The following ARHGAP18 variants were observed in gnomAD, a reference collection of about 807,000 sequenced individuals.
ARHGAP18 encodes rho GTPase-activating protein 18.
In ARHGAP18, 67 loss-of-function variants were observed where a neutral mutation model predicts 86.2. That is an observed-to-expected ratio of 0.78 (90% CI 0.64 to 0.95). ARHGAP18 has a LOEUF of 0.95. Ranked by LOEUF, ARHGAP18 falls within the 40% of genes least tolerant of loss-of-function variation. The pLI, the probability that ARHGAP18 is intolerant of heterozygous loss-of-function variation, is 0.00. For missense variants in ARHGAP18, 691 were observed against 780.4 expected, an observed-to-expected ratio of 0.89 and a Z score of 1.37; for synonymous variants, 283 against 280.4, an observed-to-expected ratio of 1.01 and a Z score of -0.09.
At chr6:129,686,178 T>C (rs1250685630) in intron 1 of ARHGAP18, among the ~76,000 whole-genome samples, 2 of 152,196 alleles carry the variant, frequency 1.3e-5, no homozygotes, top group Non-Finnish European at 2.9e-5. Context: ...ATAAAGGTTC[T>C]TTTCCCAGCA....
intron 1 of ARHGAP18, among the ~76,000 whole-genome samples, chr6:129,647,700 G>C (rs1200595073): frequency 6.6e-6 from 1 of 151,516 alleles, no homozygotes; most frequent in Non-Finnish European, 1.5e-5. Context: ...GTGGGGTGGG[G>C]GTTCTTCCTC....
chr6:129,668,390 A>ACACACACG (rs1311389743), intron 1 of ARHGAP18, among the ~76,000 whole-genome samples: 2 of 150,856 alleles, frequency 1.3e-5, no homozygotes, highest in Admixed American at 6.7e-5. Context: ...ACACACACAC[A>ACACACACG]CACACACACA....
At chr6:129,619,772 A>C (rs763096789) in intron 5 of ARHGAP18, among the ~76,000 whole-genome samples, 2 of 151,730 alleles carry the variant, frequency 1.3e-5, no homozygotes, top group Admixed American at 1.3e-4. Context: ...GTATCTTTTA[A>C]TTGTCACAAA....
chr6:129,657,429 TA>T lies in ARHGAP18; in HGVS notation c.114-15412del, dbSNP rs373569721. On this transcript the variant is annotated intron_variant, in intron 1 of 14. Coordinates refer to ENST00000368149, the MANE Select transcript of ARHGAP18 (RefSeq NM_033515.3). ...CACTCATTGTCACCATTTTTGAAAT[TA>T]AAAAAAAAAAAAAAACAACTTAATA... Among the ~76,000 whole-genome samples the T allele has an allele frequency of 4.3e-3, 588 of 136,442 alleles. 1 individual carries two copies. Among genetic ancestry groups the T allele is most frequent in the Middle Eastern group, 0.015 (4 of 266 alleles). 89.5% of individuals were successfully genotyped at this position (136,442 alleles called of 152,430 possible). A position where few individuals can be genotyped will look rare whatever the true frequency, so the allele number is the denominator to read the frequency against.
chr6:129,616,279 A>G lies in ARHGAP18; in HGVS notation c.977T>C (p.Leu326Ser), dbSNP rs1214603126. 1.2e-6 allele frequency: 2 copies of G among 1,610,334 alleles called. No homozygotes were observed. The highest frequency in any genetic ancestry group is 3.3e-5 in the Admixed American group (2 of 59,936). Reference sequence around the variant, plus strand: ...CTGATCTTGTTCTAATAGCGCTGTCAATGGAACGCAAAAAAGACCAGAATC... The same window carrying G: ...CTGATCTTGTTCTAATAGCGCTGTCGATGGAACGCAAAAAAGACCAGAATC... ...TKDSGLFCVP[L>S]TALLEQDQRK... The change falls in exon 7 of 15, where the codon TTG becomes TCG. Residue 326 changes from leucine (L) to serine (S), a missense_variant. Leu to Ser is a moderately radical substitution (Grantham distance 145). Transcript: ENST00000368149.
At chr6:129,627,458 C>A (rs1789503466) in intron 5 of ARHGAP18, among the ~76,000 whole-genome samples, 1 of 146,072 alleles carries the variant, frequency 6.8e-6, no homozygotes, top group Non-Finnish European at 1.5e-5. Context: ...AGTCTTGACT[C>A]CCCCCCAAAA....
chr6:129,705,638 C>G (rs1234240638), intron 1 of ARHGAP18, among the ~76,000 whole-genome samples: 2 of 152,110 alleles, frequency 1.3e-5, no homozygotes, highest in Admixed American at 1.3e-4. Flanking sequence ...AAATAATATT[C>G]AGAAAAACGC....
intron 1 of ARHGAP18, among the ~76,000 whole-genome samples, chr6:129,693,957 A>G (rs1774570336): frequency 6.6e-6 from 1 of 152,228 alleles, no homozygotes; most frequent in South Asian, 2.1e-4. Context: ...AAAATTATTT[A>G]CTAAATGGCA....
intron 3 of ARHGAP18, among the ~76,000 whole-genome samples, chr6:129,635,173 T>G (rs1302044537): frequency 6.6e-6 from 1 of 152,182 alleles, no homozygotes; most frequent in Non-Finnish European, 1.5e-5. Context: ...TCTATTCAAA[T>G]TATTTTAATA....
intron 1 of ARHGAP18, among the ~76,000 whole-genome samples, chr6:129,656,818 C>T (rs2114514904): frequency 6.6e-6 from 1 of 152,300 alleles, no homozygotes. Flanking sequence ...AGCCCATTTC[C>T]TCTGAGCAAA....
intron 1 of ARHGAP18, among the ~76,000 whole-genome samples, chr6:129,691,989 G>A (rs1774537549): frequency 6.6e-6 from 1 of 152,208 alleles, no homozygotes; most frequent in Non-Finnish European, 1.5e-5. Context: ...GGCTTGGCCT[G>A]GGGCTTCCTC....
intron 1 of ARHGAP18, among the ~76,000 whole-genome samples, chr6:129,642,825 C>T (rs138972766): frequency 8.7e-4 from 133 of 152,068 alleles, no homozygotes; most frequent in African/African-American, 3.1e-3. Context: ...TTTAAGTTTG[C>T]TGTTATAATC....
chr6:129,587,366 C>A (rs1483703006), intron 12 of ARHGAP18, among the ~76,000 whole-genome samples: 2 of 152,142 alleles, frequency 1.3e-5, no homozygotes, highest in Non-Finnish European at 1.5e-5. Flanking sequence ...AAGAGAAAAG[C>A]CAGAGTTACT....
intron 5 of ARHGAP18, among the ~76,000 whole-genome samples, chr6:129,624,758 A>G (rs1347410627): frequency 6.6e-6 from 1 of 151,264 alleles, no homozygotes; most frequent in Non-Finnish European, 1.5e-5. Context: ...AAGCCTGGCC[A>G]AGATGGTGAA....
intron 1 of ARHGAP18, among the ~76,000 whole-genome samples, chr6:129,693,277 T>C (rs1172148924): frequency 6.6e-6 from 1 of 152,240 alleles, no homozygotes; most frequent in Non-Finnish European, 1.5e-5. Context: ...TTTCTAAGGT[T>C]AAGAAGATCT....
intron 2 of ARHGAP18, among the ~76,000 whole-genome samples, chr6:129,640,254 G>C (rs1199402722): frequency 6.6e-6 from 1 of 152,126 alleles, no homozygotes; most frequent in Non-Finnish European, 1.5e-5. Context: ...TCTAAGAAAA[G>C]GTGTGGGCAT....
At chr6:129,667,618 CAT>C (rs1774066458) in intron 1 of ARHGAP18, among the ~76,000 whole-genome samples, 5 of 151,552 alleles carry the variant, frequency 3.3e-5, no homozygotes, top group Admixed American at 3.3e-4. Context: ...ATTCAGGAAA[CAT>C]ATATTGAGAT....
chr6:129,625,917 TATAG>T (rs1318626641), intron 5 of ARHGAP18, among the ~76,000 whole-genome samples: 2 of 87,216 alleles, frequency 2.3e-5, no homozygotes, highest in African/African-American at 4.6e-5. Context: ...TATTATATAT[TATAG>T]ATATTTATAT....
intron 5 of ARHGAP18, among the ~76,000 whole-genome samples, chr6:129,620,280 TG>T (rs1453099661): frequency 6.6e-6 from 1 of 152,246 alleles, no homozygotes; most frequent in African/African-American, 2.4e-5. Context: ...AGTACTTATG[TG>T]TGGGATTTTT....
Sources: gnomAD v4.1 joint callset for allele counts (sites outside exome capture counted in the v4.1 genomes callset) on GRCh38, gnomAD v4.1.1 for gene constraint, MANE v1.5 for transcripts, NCBI Gene and HGNC (gene_info 2026-07-23, HGNC 2026-07-21) for gene names.